The following PGM2 variants were observed in gnomAD, a reference collection of about 807,000 sequenced individuals.
PGM2 encodes the protein phosphopentomutase.
A neutral mutation model predicts 74.6 loss-of-function variants in PGM2; 57 were observed. That is an observed-to-expected ratio of 0.76 (90% CI 0.62 to 0.95). PGM2 has a LOEUF of 0.95. Ranked by LOEUF, PGM2 falls within the 40% of genes least tolerant of loss-of-function variation. The probability of loss-of-function intolerance (pLI) is 0.00; values close to 1 mark genes in which losing one functional copy is unlikely to be tolerated. For synonymous variants in PGM2, 273 were observed against 260.7 expected (o/e 1.05, Z -0.46); for missense variants, 706 against 741.9 (o/e 0.95, Z 0.56).
intron 1 of PGM2, 27 bp downstream of exon 1, chr4:37,826,840 G>T (rs1215931874): frequency 3.4e-6 from 5 of 1,457,418 alleles, no homozygotes; most frequent in Non-Finnish European, 4.7e-6. Flanking sequence ...GGCGGGGAGC[G>T]CCTGGAGCGG....
In PGM2 at chr4:37,841,190, T is replaced by TGTGTGTG. The variant is rs1491511171; in HGVS notation, c.719+931_719+932insGTGTGTG. On this transcript the variant is annotated intron_variant, in intron 6 of 13. Coordinates refer to ENST00000381967, the MANE Select transcript of PGM2 (RefSeq NM_018290.4). ...TGTGTGTGTGTGTGTGTGTGTGTGG[T>TGTGTGTG]TTGTTCTGTGCACTTTTCCCCCCAA... Among the ~76,000 whole-genome samples, 787 of 83,378 alleles carry TGTGTGTG rather than the reference T, an allele frequency of 9.4e-3. 17 individuals carry two copies. The highest frequency in any genetic ancestry group is 0.026 in the African/African-American group (665 of 25,494). The allele number at this position is 83,378 out of a possible 152,430, so 54.7% of individuals were successfully genotyped here.
At position 37,847,115 on chromosome 4, in the gene PGM2, G is replaced by A. The variant is rs1372819279; in HGVS notation, c.1188+4G>A. On this transcript the variant is annotated splice_donor_region_variant and intron_variant, in intron 9 of 13. Coordinates refer to ENST00000381967, the MANE Select transcript of PGM2 (RefSeq NM_018290.4). ...AAAGGAAGGTTTTCATTTTGAGGTA[G>A]GGTGTTTCTGGGACTCACTCATTTT... is the stretch of plus-strand genomic sequence containing the variant. 2 of 1,610,594 alleles carry A rather than the reference G, an allele frequency of 1.2e-6. No individual in the cohort carries two copies. Among genetic ancestry groups the A allele is most frequent in the Non-Finnish European group, 1.7e-6 (2 of 1,177,236 alleles).
chr4:37,839,449 A>G (rs983887269), intron 4 of PGM2: 3 of 408,806 alleles, frequency 7.3e-6, no homozygotes, highest in African/African-American at 4.2e-5. Flanking sequence ...CCTTAAAAGC[A>G]AATGAGAAAG....
intron 3 of PGM2, among the ~76,000 whole-genome samples, chr4:37,836,187 C>T (rs1166203929): frequency 1.3e-5 from 2 of 152,244 alleles, no homozygotes; most frequent in Non-Finnish European, 2.9e-5. Flanking sequence ...TTTGCCCTGG[C>T]CTTGGAGCCG....
At chr4:37,860,827 A>T (rs1438325594) in intron 13 of PGM2, among the ~76,000 whole-genome samples, 1 of 152,182 alleles carries the variant, frequency 6.6e-6, no homozygotes, top group Non-Finnish European at 1.5e-5. Context: ...TTGTATATAA[A>T]TGAGTGTTGC....
chr4:37,858,041 A>C (rs902935278), intron 13 of PGM2, among the ~76,000 whole-genome samples: 8 of 152,148 alleles, frequency 5.3e-5, no homozygotes, highest in African/African-American at 1.9e-4. Flanking sequence ...ATCTGATGAA[A>C]ATATATCTTA....
chr4:37,859,533 G>C (rs1048367984), intron 13 of PGM2, among the ~76,000 whole-genome samples: 1 of 152,104 alleles, frequency 6.6e-6, no homozygotes, highest in East Asian at 1.9e-4. Context: ...ATGCCTTTCA[G>C]ATAGAATCTA....
At chr4:37,826,955 C>T in intron 1 of PGM2, 142 bp downstream of exon 1, 1 of 583,924 alleles carries the variant, frequency 1.7e-6, no homozygotes, top group Non-Finnish European at 3.0e-6. Flanking sequence ...CAGGAGCGTA[C>T]GGCCGCTGCT....
rs910090436 is a variant in PGM2 at position 37,861,413 on chromosome 4, G to C, written c.1737-97G>C. 7 of 733,178 alleles carry C rather than the reference G, an allele frequency of 9.5e-6. No individual in the cohort carries two copies. In the African/African-American group the frequency reaches 1.5e-4, roughly 16 times the overall value. 45.4% of individuals were successfully genotyped at this position (733,178 alleles called of 1,614,324 possible). ...TTTCCTATTTAGTCCTCTTCTTAAG[G>C]TTATATTTTCATTGTCACTTGGTCA... On this transcript the variant is annotated intron_variant, in intron 13 of 13. Coordinates refer to ENST00000381967, the MANE Select transcript of PGM2 (RefSeq NM_018290.4).
Position 37,826,725 on chromosome 4 carries a change from G to A in PGM2, c.-8G>A. 1.9e-6 allele frequency: 3 copies of A among 1,549,008 alleles called. No individual in the cohort carries two copies. Among genetic ancestry groups the A allele is most frequent in the South Asian group, 2.4e-5 (2 of 84,028 alleles). On this transcript the variant is annotated 5_prime_UTR_variant, in exon 1 of 14. Coordinates refer to ENST00000381967, the MANE Select transcript of PGM2 (RefSeq NM_018290.4). ...GCTTCCCTCTGCAGCGGTAGCACAA[G>A]CTCAGCGATGGCGGCTCCAGAAGGC... is the stretch of plus-strand genomic sequence containing the variant.
At chr4:37,846,905 T>C in intron 8 of PGM2, 26 bp from the exon 9 acceptor site, 1 of 1,560,014 alleles carries the variant, frequency 6.4e-7, no homozygotes, top group Non-Finnish European at 8.7e-7. Flanking sequence ...AAATGAATGG[T>C]GGTTGTTGTT....
chr4:37,861,398 A>G, intron 13 of PGM2, 112 bp from the exon 14 acceptor site: 1 of 655,714 alleles, frequency 1.5e-6, no homozygotes, highest in Non-Finnish European at 2.7e-6. Context: ...TTTCCTATTT[A>G]GTCCTCTTCT....
At chr4:37,857,315 G>C (rs1400866180) in intron 13 of PGM2, among the ~76,000 whole-genome samples, 4 of 152,150 alleles carry the variant, frequency 2.6e-5, no homozygotes, top group African/African-American at 9.7e-5. Context: ...TTTGCTCATA[G>C]AAGAGTTTTT....
chr4:37,844,670 G>A, intron 7 of PGM2, 117 bp downstream of exon 7: 1 of 687,458 alleles, frequency 1.5e-6, no homozygotes, highest in Non-Finnish European at 2.5e-6. Flanking sequence ...ATTTCAGCAT[G>A]GAAATATGTA....
intron 1 of PGM2, among the ~76,000 whole-genome samples, chr4:37,828,591 G>A (rs1405773555): frequency 8.5e-5 from 13 of 152,138 alleles, no homozygotes; most frequent in Non-Finnish European, 1.9e-4. Context: ...CACTGCCAGG[G>A]CTGATTCTGA....
chr4:37,841,153 A>T (rs1266541012), intron 6 of PGM2, among the ~76,000 whole-genome samples: 43 of 24,950 alleles, frequency 1.7e-3, no homozygotes, highest in African/African-American at 5.6e-3. Flanking sequence ...CATAAATAGG[A>T]ATATTTGTGT....
rs200214755 is a variant in PGM2 at position 37,837,517 on chromosome 4, C to G, written c.357-12C>G. 1.2e-4 allele frequency: 182 copies of G among 1,564,592 alleles called. No individual in the cohort carries two copies. The East Asian group carries it at 2.5e-3, about 22-fold the overall frequency. On this transcript the variant is annotated splice_polypyrimidine_tract_variant and intron_variant, in intron 3 of 13. Coordinates refer to ENST00000381967, the MANE Select transcript of PGM2 (RefSeq NM_018290.4). ...AACTCTCCTTTTCTTCCCTGTCACT[C>G]TGCATTCTCAGGTTTGCCCGACTTG...
intron 12 of PGM2, among the ~76,000 whole-genome samples, chr4:37,853,574 C>T (rs1726110465): frequency 6.6e-6 from 1 of 151,914 alleles, no homozygotes; most frequent in Non-Finnish European, 1.5e-5. Flanking sequence ...CTTTGGGCAC[C>T]TAAGAACTGA....
At position 37,826,693 on chromosome 4, in the gene PGM2, A is replaced by G. The variant is rs550376057; in HGVS notation, c.-40A>G. 48 of 1,501,344 alleles carry G rather than the reference A, an allele frequency of 3.2e-5. No individual in the cohort carries two copies. In the South Asian group the frequency reaches 5.4e-4, roughly 17 times the overall value. 93.0% of individuals were successfully genotyped at this position (1,501,344 alleles called of 1,614,324 possible). A position where few individuals can be genotyped will look rare whatever the true frequency, so the allele number is the denominator to read the frequency against. ...GGGGCCGGGCCGGAAGGCAGATCTC[A>G]CCGCCTGCTTCCCTCTGCAGCGGTA... On this transcript the variant is annotated 5_prime_UTR_variant, in exon 1 of 14. Transcript: ENST00000381967.
Sources: gnomAD v4.1 joint callset for allele counts (sites outside exome capture counted in the v4.1 genomes callset) on GRCh38, gnomAD v4.1.1 for gene constraint, MANE v1.5 for transcripts, NCBI Gene and HGNC (gene_info 2026-07-23, HGNC 2026-07-21) for gene names.